Variants in KCTD8 observed in about 807,000 individuals in gnomAD.
The protein encoded by KCTD8 is BTB/POZ domain-containing protein KCTD8.
In KCTD8, 27 loss-of-function variants were observed where a neutral mutation model predicts 31.5. That is an observed-to-expected ratio of 0.86 (90% CI 0.63 to 1.18). The LOEUF is 1.18. Among genes scored for constraint, KCTD8 ranks in the 50% most tolerant of loss-of-function variants. KCTD8 has a pLI of 0.00. For synonymous variants in KCTD8, 290 were observed against 280.0 expected (o/e 1.04, Z -0.36); for missense variants, 658 against 647.7 (o/e 1.02, Z -0.17).
At chr4:44,351,429 C>T (rs1309616942) in intron 1 of KCTD8, among the ~76,000 whole-genome samples, 1 of 152,016 alleles carries the variant, frequency 6.6e-6, no homozygotes, top group Non-Finnish European at 1.5e-5. Context: ...GGTATGAAAC[C>T]AAATTAGATT....
chr4:44,403,830 G>GT lies in KCTD8; in HGVS notation c.961+43732dup, dbSNP rs1720722732. 2.0e-5 allele frequency among the ~76,000 whole-genome samples: 3 copies of GT among 151,800 alleles called. No individual in the cohort carries two copies. The South Asian group carries it at 6.2e-4, about 32-fold the overall frequency. On this transcript the variant is annotated intron_variant, in intron 1 of 1. Transcript: ENST00000360029. ...TACTAAGAGTACGGAGCCAAAAAAT[G>GT]TAATGTAAAGGGTAATAAAGACATA...
At chr4:44,353,352 TAA>T (rs1007834142) in intron 1 of KCTD8, among the ~76,000 whole-genome samples, 8 of 152,208 alleles carry the variant, frequency 5.3e-5, no homozygotes, top group African/African-American at 1.9e-4. Context: ...ATTACAAGTA[TAA>T]GAGTTGTATA....
intron 1 of KCTD8, among the ~76,000 whole-genome samples, chr4:44,379,613 G>A (rs951910601): frequency 2.0e-5 from 3 of 152,026 alleles, no homozygotes; most frequent in African/African-American, 7.2e-5. Flanking sequence ...AGAAAAGATG[G>A]CACTTCACAA....
At chr4:44,323,499 C>CG in intron 1 of KCTD8, among the ~76,000 whole-genome samples, 1 of 91,958 alleles carries the variant, frequency 1.1e-5, no homozygotes, top group African/African-American at 3.7e-5. Flanking sequence ...CATCCCCACC[C>CG]ACCCCCCCCC....
At chr4:44,234,368 G>A (rs1715212397) in intron 1 of KCTD8, among the ~76,000 whole-genome samples, 1 of 152,090 alleles carries the variant, frequency 6.6e-6, no homozygotes, top group South Asian at 2.1e-4. Context: ...AACACCTCAG[G>A]GCAGATGAAG....
rs145950963 is a variant in KCTD8, at chr4:44,402,872, C to T, written c.961+44691G>A. The stretch of plus-strand genomic sequence containing the variant: ...GAGCCATCCAGAGTACAAATGACTT[C>T]CAAGAACACTCAAACTGTTCACTGA... On this transcript the variant is annotated intron_variant, in intron 1 of 1. Transcript: ENST00000360029. 2.0e-4 allele frequency among the ~76,000 whole-genome samples: 31 copies of T among 152,230 alleles called. 1 individual carries two copies. The East Asian group carries it at 5.6e-3, about 28-fold the overall frequency.
At chr4:44,384,134 C>T (rs577734186) in intron 1 of KCTD8, among the ~76,000 whole-genome samples, 155 of 101,298 alleles carry the variant, frequency 1.5e-3, no homozygotes, top group African/African-American at 4.7e-3. Context: ...AGGTTCAATG[C>T]CTATTATCAA....
intron 1 of KCTD8, among the ~76,000 whole-genome samples, chr4:44,240,929 G>A (rs898760012): frequency 7.2e-5 from 11 of 152,180 alleles, no homozygotes; most frequent in Non-Finnish European, 1.2e-4. Context: ...AGAGGAAAAC[G>A]TGACATAAGG....
chr4:44,441,218 G>A (rs1721801930), intron 1 of KCTD8, among the ~76,000 whole-genome samples: 1 of 149,416 alleles, frequency 6.7e-6, no homozygotes, highest in African/African-American at 2.4e-5. Flanking sequence ...ACCTCTGGTG[G>A]TGCAGACTCA....
chr4:44,198,693 AC>A (rs1457231362), intron 1 of KCTD8, among the ~76,000 whole-genome samples: 1 of 152,180 alleles, frequency 6.6e-6, no homozygotes, highest in Non-Finnish European at 1.5e-5. Context: ...AATACTTGCT[AC>A]CACAAAAACA....
Position 44,386,143 on chromosome 4 carries a change from T to A in KCTD8, c.961+61420A>T, listed in dbSNP as rs1205536253. Among the ~76,000 whole-genome samples the A allele has an allele frequency of 2.6e-5, 4 of 151,636 alleles. No homozygotes were observed. The East Asian group carries it at 7.8e-4, about 29-fold the overall frequency. On this transcript the variant is annotated intron_variant, in intron 1 of 1. Transcript: ENST00000360029. ...TGGCGATGGAAAACAGGATGTTGAT[T>A]TCTTAAGACACTGAAAATAGAACCA...
chr4:44,322,248 C>A (rs78440288), intron 1 of KCTD8, among the ~76,000 whole-genome samples: 4,511 of 152,094 alleles, frequency 0.03, 285 homozygotes, highest in African/African-American at 0.1. Context: ...TCTCCACATC[C>A]TTGCTAGCAT....
chr4:44,250,162 G>C (rs534272881), intron 1 of KCTD8, among the ~76,000 whole-genome samples: 2 of 151,724 alleles, frequency 1.3e-5, no homozygotes, highest in East Asian at 3.9e-4. Flanking sequence ...AGTTTTTTTA[G>C]GCTCTTAGAA....
chr4:44,439,901 T>TATAG (rs34264017), intron 1 of KCTD8, among the ~76,000 whole-genome samples: 1 of 3,036 alleles, frequency 3.3e-4, no homozygotes, highest in Admixed American at 4.4e-3. Flanking sequence ...ATCATTTATT[T>TATAG]TTATTTATTT....
intron 1 of KCTD8, among the ~76,000 whole-genome samples, chr4:44,249,597 A>T (rs2109360773): frequency 6.6e-6 from 1 of 151,954 alleles, no homozygotes; most frequent in Admixed American, 6.6e-5. Context: ...AATTTTATTT[A>T]CACAAACAGG....
At chr4:44,245,314 T>TA (rs147143624) in intron 1 of KCTD8, among the ~76,000 whole-genome samples, 3,593 of 151,894 alleles carry the variant, frequency 0.024, 151 homozygotes, top group African/African-American at 0.081. Flanking sequence ...CTAAGACTGA[T>TA]AAAAAAAGCA....
chr4:44,431,685 C>G (rs1018066317), intron 1 of KCTD8, among the ~76,000 whole-genome samples: 2 of 151,478 alleles, frequency 1.3e-5, no homozygotes. Context: ...ACTCAGGTGA[C>G]CAGAAATACA....
rs759402318 is a variant in KCTD8 at position 44,222,172 on chromosome 4, A to G, written c.962-46922T>C. Among the ~76,000 whole-genome samples the G allele has an allele frequency of 6.6e-5, 10 of 152,324 alleles. No individual in the cohort carries two copies. In the East Asian group the frequency reaches 9.7e-4, roughly 15 times the overall value. ...CAGAATTGCTGTGAGATCACAGAAT[A>G]AGGAATTTATTATAGAGGTTAGTCA... On this transcript the variant is annotated intron_variant, in intron 1 of 1. Coordinates refer to ENST00000360029, the MANE Select transcript of KCTD8 (RefSeq NM_198353.3).
chr4:44,350,279 C>A (rs924654161), intron 1 of KCTD8, among the ~76,000 whole-genome samples: 1 of 152,142 alleles, frequency 6.6e-6, no homozygotes, highest in Non-Finnish European at 1.5e-5. Context: ...TAAAATCCTA[C>A]CCATCATCTG....
Sources: gnomAD v4.1 joint callset for allele counts (sites outside exome capture counted in the v4.1 genomes callset) on GRCh38, gnomAD v4.1.1 for gene constraint, MANE v1.5 for transcripts, NCBI Gene and HGNC (gene_info 2026-07-23, HGNC 2026-07-21) for gene names.